The following CTNNA3 variants were observed in gnomAD, a reference collection of about 807,000 sequenced individuals.
CTNNA3 encodes catenin alpha 3, also known as catenin alpha-3.
A neutral mutation model predicts 95.7 loss-of-function variants in CTNNA3; 76 were observed. The ratio of observed to expected loss-of-function variants is 0.79; its 90% CI spans 0.66 to 0.96. CTNNA3 has a LOEUF of 0.96. Among genes scored for constraint, CTNNA3 ranks in the 40% least tolerant of loss-of-function variants. CTNNA3 has a pLI of 0.00. For missense variants in CTNNA3, 1,191 were observed against 1,089.8 expected, an observed-to-expected ratio of 1.09 and a Z score of -1.31; for synonymous variants, 431 against 374.4, an observed-to-expected ratio of 1.15 and a Z score of -1.74.
At position 67,315,806 on chromosome 10, in the gene CTNNA3, T is replaced by C. The variant is rs369178007; in HGVS notation, c.580-95936A>G. 1.4e-4 allele frequency among the ~76,000 whole-genome samples: 21 copies of C among 152,248 alleles called. No homozygotes were observed. In the East Asian group the frequency reaches 2.1e-3, roughly 15 times the overall value. On this transcript the variant is annotated intron_variant, in intron 5 of 17. Coordinates refer to ENST00000433211, the MANE Select transcript of CTNNA3 (RefSeq NM_013266.4). Reference sequence around the variant, plus strand: ...GAGGGGGAGGGGATCTGTTAAAAAGTATGTTTGTTATTTTTTCATCTTTTA... The same window carrying C: ...GAGGGGGAGGGGATCTGTTAAAAAGCATGTTTGTTATTTTTTCATCTTTTA...
At chr10:66,088,705 TA>T (rs1157770740) in intron 14 of CTNNA3, among the ~76,000 whole-genome samples, 1 of 152,118 alleles carries the variant, frequency 6.6e-6, no homozygotes, top group Admixed American at 6.6e-5. Flanking sequence ...CAATTTTCCA[TA>T]AAAACTTTCT....
chr10:66,352,873 A>G (rs1055961751), intron 12 of CTNNA3, among the ~76,000 whole-genome samples: 4 of 152,060 alleles, frequency 2.6e-5, no homozygotes, highest in Non-Finnish European at 5.9e-5. Flanking sequence ...AGCACTCATT[A>G]GTGGTTATCT....
intron 11 of CTNNA3, among the ~76,000 whole-genome samples, chr10:66,447,497 A>C (rs1246016891): frequency 3.4e-5 from 5 of 148,898 alleles, no homozygotes; most frequent in African/African-American, 1.3e-4. Flanking sequence ...ATGGAACAGA[A>C]CAGAGCCCTC....
chr10:66,647,678 A>ATTTT (rs58907458), intron 9 of CTNNA3, among the ~76,000 whole-genome samples: 1 of 142,372 alleles, frequency 7.0e-6, no homozygotes, highest in Admixed American at 7.0e-5. Flanking sequence ...GCCCAGCTAA[A>ATTTT]TTTTTTTTTT....
At chr10:66,266,049 G>A (rs1431642947) in intron 13 of CTNNA3, among the ~76,000 whole-genome samples, 1 of 145,820 alleles carries the variant, frequency 6.9e-6, no homozygotes, top group Non-Finnish European at 1.5e-5. Context: ...GAGAGAGGGA[G>A]GGAGGGAGGA....
At chr10:67,719,135 G>A (rs1049197822) in intron 1 of CTNNA3, among the ~76,000 whole-genome samples, 20 of 151,876 alleles carry the variant, frequency 1.3e-4, no homozygotes, top group African/African-American at 4.8e-4. Flanking sequence ...TATTTCTGTG[G>A]GATCAGTGGT....
chr10:67,499,552 C>T (rs920596617), intron 5 of CTNNA3, among the ~76,000 whole-genome samples: 26 of 152,254 alleles, frequency 1.7e-4, no homozygotes, highest in African/African-American at 5.1e-4. Flanking sequence ...GCTGTGAATC[C>T]GTCTGGTCCT....
intron 7 of CTNNA3, among the ~76,000 whole-genome samples, chr10:67,137,353 G>A (rs183050644): frequency 3.9e-4 from 60 of 151,924 alleles, no homozygotes; most frequent in Non-Finnish European, 5.6e-4. Flanking sequence ...ACACAGTTCC[G>A]CAAATAGATT....
At chr10:66,741,225 C>G (rs1317472081) in intron 9 of CTNNA3, among the ~76,000 whole-genome samples, 1 of 152,014 alleles carries the variant, frequency 6.6e-6, no homozygotes, top group African/African-American at 2.4e-5. Context: ...GTAAAGAAGG[C>G]TTTTTCTGGG....
chr10:67,571,770 G>A (rs532621348), intron 3 of CTNNA3, among the ~76,000 whole-genome samples: 2 of 152,274 alleles, frequency 1.3e-5, no homozygotes, highest in African/African-American at 4.8e-5. Context: ...TGGACTGTAC[G>A]GGATGGCAAA....
chr10:67,609,223 AC>A (rs1361887781), intron 2 of CTNNA3, among the ~76,000 whole-genome samples: 1 of 152,128 alleles, frequency 6.6e-6, no homozygotes, highest in African/African-American at 2.4e-5. Context: ...GAAAAAAACA[AC>A]TTGTATCTAA....
In CTNNA3 at chr10:66,280,614, A is replaced by G. The variant is rs775370911; in HGVS notation, c.1740T>C (p.Pro580=). The change falls in exon 13 of 18, where the codon CCT becomes CCC. Residue 580 remains proline, a synonymous_variant. Transcript: ENST00000433211. ...CAACATTCACTTGTGTTACAAATTC[A>G]GGAATTACTGTTAAAATAAAGAATA... ...NVNFLTSTVI[P]EFVTQVNVAL... is the part of the protein sequence containing the mutation. 10 of 1,604,100 alleles carry G rather than the reference A, an allele frequency of 6.2e-6. No individual in the cohort carries two copies. The South Asian group carries it at 1.1e-4, about 18-fold the overall frequency.
At chr10:67,116,611 T>C (rs1210154044) in intron 7 of CTNNA3, among the ~76,000 whole-genome samples, 1 of 151,398 alleles carries the variant, frequency 6.6e-6, no homozygotes, top group African/African-American at 2.4e-5. Context: ...TAGATAAAGT[T>C]TATATAAAGG....
rs2082049766 is a variant in CTNNA3, at chr10:66,109,835, G to C, written c.1885-6586C>G. 2.7e-5 allele frequency among the ~76,000 whole-genome samples: 4 copies of C among 149,102 alleles called. No individual in the cohort carries two copies. In the South Asian group the frequency reaches 8.4e-4, roughly 31 times the overall value. The stretch of plus-strand genomic sequence containing the variant: ...GTATACATATGTAACAAACCTACAC[G>C]TTGTGCACATGTAACCTAAAACTTA... On this transcript the variant is annotated intron_variant, in intron 13 of 17. Transcript: ENST00000433211.
At chr10:66,981,190 C>T (rs1263769653) in intron 7 of CTNNA3, among the ~76,000 whole-genome samples, 1 of 152,216 alleles carries the variant, frequency 6.6e-6, no homozygotes, top group Admixed American at 6.5e-5. Context: ...AGGCGTGAGC[C>T]ACCGCGCCCA....
At chr10:67,162,993 T>G (rs1032554267) in intron 7 of CTNNA3, among the ~76,000 whole-genome samples, 1 of 151,914 alleles carries the variant, frequency 6.6e-6, no homozygotes, top group Admixed American at 6.6e-5. Flanking sequence ...ATTCATAATA[T>G]AAAAACTCCT....
In CTNNA3 at chr10:66,379,359, G is replaced by A. The variant is rs1465457123; in HGVS notation, c.1532-7C>T. ...TCTTCCAAGATATGGCTTTCTGTAA[G>A]TAAATGAATCAAATTAGTTTTTGCG... On this transcript the variant is annotated splice_region_variant and splice_polypyrimidine_tract_variant and intron_variant, in intron 11 of 17. Transcript: ENST00000433211. 8 of 1,610,914 alleles carry A rather than the reference G, an allele frequency of 5.0e-6. No homozygotes were observed. The highest frequency in any genetic ancestry group is 1.7e-4 in the Middle Eastern group (1 of 6,040).
intron 11 of CTNNA3, among the ~76,000 whole-genome samples, chr10:66,478,143 T>C (rs1839391124): frequency 6.6e-6 from 1 of 152,280 alleles, no homozygotes; most frequent in South Asian, 2.1e-4. Flanking sequence ...TTCTTTGTTC[T>C]ATGTTCCAAT....
At chr10:67,522,143 A>G (rs188570838) in intron 4 of CTNNA3, among the ~76,000 whole-genome samples, 182 bp from the exon 5 acceptor site, 2 of 152,334 alleles carry the variant, frequency 1.3e-5, no homozygotes, top group East Asian at 3.9e-4. Flanking sequence ...GTTATAAACC[A>G]TATTCTAAGT....
Sources: allele counts gnomAD v4.1 joint callset (sites outside exome capture counted in the v4.1 genomes callset), GRCh38; gene constraint gnomAD v4.1.1; transcripts MANE v1.5; gene names NCBI Gene and HGNC (gene_info 2026-07-23, HGNC 2026-07-21).